Variants in OTOGL observed in about 807,000 individuals in gnomAD.
OTOGL encodes otogelin like.
OTOGL carries 285 observed loss-of-function variants against 318.5 expected under a neutral mutation model. The ratio of observed to expected loss-of-function variants is 0.89; its 90% CI spans 0.81 to 0.99. The LOEUF is 0.99. Among genes scored for constraint, OTOGL ranks in the 50% least tolerant of loss-of-function variants. OTOGL has a pLI of 0.00. For missense variants in OTOGL, 2,899 were observed against 2,845.6 expected (o/e 1.02, Z -0.43); for synonymous variants, 987 against 936.5 (o/e 1.05, Z -0.99).
chr12:80,344,427 A>T (rs544956237), intron 44 of OTOGL, among the ~76,000 whole-genome samples: 1 of 152,098 alleles, frequency 6.6e-6, no homozygotes, highest in Admixed American at 6.6e-5. Context: ...CTGTAATCCC[A>T]GTTATTCGGG....
intron 1 of OTOGL, among the ~76,000 whole-genome samples, chr12:80,147,625 TC>T (rs1362538087): frequency 1.3e-5 from 2 of 151,944 alleles, no homozygotes; most frequent in Non-Finnish European, 2.9e-5. Context: ...ACTTTCTGTC[TC>T]CTTGATCTGT....
At chr12:80,239,028 T>G in intron 10 of OTOGL, 50 bp downstream of exon 10, 1 of 1,516,474 alleles carries the variant, frequency 6.6e-7, no homozygotes, top group African/African-American at 1.4e-5. Context: ...TACACATATA[T>G]CTTATTTGTA....
At position 80,210,846 on chromosome 12, in the gene OTOGL, G is replaced by T; in HGVS notation, c.80-1G>T. ...CATTCTTATATATTTGTCTCTGGCA[G>T]AATATATTTGTGCATCGTCTATATT... is the stretch of plus-strand genomic sequence containing the variant. On this transcript the variant is annotated splice_acceptor_variant, in intron 2 of 58. Coordinates refer to ENST00000547103, the MANE Select transcript of OTOGL (RefSeq NM_001378609.3). LOFTEE classifies it high-confidence loss of function. 1.4e-6 allele frequency: 2 copies of T among 1,463,286 alleles called. No individual in the cohort carries two copies. The highest frequency in any genetic ancestry group is 1.3e-5 in the South Asian group (1 of 75,458). 90.6% of individuals were successfully genotyped at this position (1,463,286 alleles called of 1,614,324 possible).
chr12:80,359,134 T>C (rs1025307572), intron 52 of OTOGL, among the ~76,000 whole-genome samples: 2 of 152,188 alleles, frequency 1.3e-5, no homozygotes, highest in Admixed American at 6.5e-5. Flanking sequence ...AATCTGCTAA[T>C]CTTATATCTA....
At chr12:80,138,627 C>T (rs1009052375) in intron 1 of OTOGL, among the ~76,000 whole-genome samples, 3 of 151,912 alleles carry the variant, frequency 2.0e-5, no homozygotes, top group Admixed American at 1.3e-4. Context: ...TCAAATGATT[C>T]CAACACTGAA....
chr12:80,334,984 T>C (rs1888301781), intron 38 of OTOGL, among the ~76,000 whole-genome samples: 1 of 152,188 alleles, frequency 6.6e-6, no homozygotes, highest in Non-Finnish European at 1.5e-5. Flanking sequence ...TTAAGAGTCT[T>C]ACTATTTAGA....
chr12:80,236,131 A>G (rs1350358982), intron 9 of OTOGL, among the ~76,000 whole-genome samples: 1 of 152,188 alleles, frequency 6.6e-6, no homozygotes, highest in African/African-American at 2.4e-5. Flanking sequence ...TGACTTCACA[A>G]AGAAATTAGA....
chr12:80,205,653 A>G (rs1362354471), intron 1 of OTOGL, among the ~76,000 whole-genome samples: 1 of 152,242 alleles, frequency 6.6e-6, no homozygotes, highest in Non-Finnish European at 1.5e-5. Flanking sequence ...GGCTCAAATG[A>G]TAACATAAAT....
intron 1 of OTOGL, among the ~76,000 whole-genome samples, chr12:80,128,781 A>T (rs1871038212): frequency 6.6e-6 from 1 of 152,044 alleles, no homozygotes; most frequent in Non-Finnish European, 1.5e-5. Context: ...TTGCCGTTTG[A>T]TCTCAGACTG....
At chr12:80,141,430 C>G (rs1452343030) in intron 1 of OTOGL, among the ~76,000 whole-genome samples, 2 of 152,124 alleles carry the variant, frequency 1.3e-5, no homozygotes, top group Admixed American at 6.6e-5. Context: ...AAAGCAAGCA[C>G]TTTTATTTCT....
intron 33 of OTOGL, among the ~76,000 whole-genome samples, chr12:80,319,892 G>A (rs1001535304): frequency 2.0e-5 from 3 of 152,110 alleles, no homozygotes; most frequent in African/African-American, 4.8e-5. Flanking sequence ...TGGATAAATA[G>A]TCTCTTCTTG....
Position 80,339,270 on chromosome 12 carries a change from C to T in OTOGL, c.5050+6C>T, listed in dbSNP as rs376537606. On this transcript the variant is annotated splice_donor_region_variant and intron_variant, in intron 43 of 58. Coordinates refer to ENST00000547103, the MANE Select transcript of OTOGL (RefSeq NM_001378609.3). ...CTACACAGAAGGACTCTGTGGTGAG[C>T]GCTGCCCTTCAAATCTTGATTTCGT... 23 of 1,355,772 alleles carry T rather than the reference C, an allele frequency of 1.7e-5. No homozygotes were observed. The highest frequency in any genetic ancestry group is 6.9e-5 in the Admixed American group (3 of 43,498). The allele number at this position is 1,355,772 out of a possible 1,614,324, so 84.0% of individuals were successfully genotyped here.
In OTOGL at chr12:80,378,571, C is replaced by G. The variant is rs1891307476; in HGVS notation, c.*523C>G. The stretch of plus-strand genomic sequence containing the variant: ...GTTTATAGAGAAGTCATTATAAATT[C>G]CCCTCATTTTGCAGGTGTAACAGAT... On this transcript the variant is annotated 3_prime_UTR_variant, in exon 59 of 59. Transcript: ENST00000547103. The G allele has an allele frequency of 6.6e-6, 1 of 152,332 alleles. No homozygotes were observed. The highest frequency in any genetic ancestry group is 1.5e-5 in the Non-Finnish European group (1 of 68,294). The allele number at this position is 152,332 out of a possible 1,614,324, so 9.4% of individuals were successfully genotyped here.
At chr12:80,353,294 A>G in intron 45 of OTOGL, 31 bp from the exon 46 acceptor site, 1 of 1,315,346 alleles carries the variant, frequency 7.6e-7, no homozygotes, top group Admixed American at 3.3e-5. Context: ...TACTTTTATC[A>G]TTAGCAAATT....
At chr12:80,158,291 T>C (rs559483151) in intron 1 of OTOGL, among the ~76,000 whole-genome samples, 3 of 152,212 alleles carry the variant, frequency 2.0e-5, no homozygotes, top group Admixed American at 2.0e-4. Context: ...TTGCAGAAAA[T>C]TTAATATATT....
At chr12:80,218,343 A>G (rs1374299805) in intron 5 of OTOGL, among the ~76,000 whole-genome samples, 1 of 152,196 alleles carries the variant, frequency 6.6e-6, no homozygotes, top group Non-Finnish European at 1.5e-5. Flanking sequence ...ATATAGTTGG[A>G]GATTTGTGCA....
intron 1 of OTOGL, among the ~76,000 whole-genome samples, chr12:80,199,631 A>G (rs1248085798): frequency 6.6e-6 from 1 of 152,208 alleles, no homozygotes; most frequent in Non-Finnish European, 1.5e-5. Context: ...ACTCATAATA[A>G]ATATCTCAGA....
rs570300297 is a variant in OTOGL, at chr12:80,178,013, G to GT, written c.-19-31393dup. 1.9e-3 allele frequency among the ~76,000 whole-genome samples: 258 copies of GT among 138,988 alleles called. 1 individual carries two copies. The highest frequency in any genetic ancestry group is 6.5e-3 in the African/African-American group (247 of 37,938). The allele number at this position is 138,988 out of a possible 152,430, so 91.2% of individuals were successfully genotyped here. On this transcript the variant is annotated intron_variant, in intron 1 of 58. Transcript: ENST00000547103. Reference sequence around the variant, plus strand: ...GGAGATTGTTCTCTCAATTCTTTTAGTTTTTTTCTGTTTTTTCTATTCTAT... The same window carrying GT: ...GGAGATTGTTCTCTCAATTCTTTTAGTTTTTTTTCTGTTTTTTCTATTCTAT...
chr12:80,122,954 C>G (rs936943464), intron 1 of OTOGL, among the ~76,000 whole-genome samples: 20 of 151,440 alleles, frequency 1.3e-4, no homozygotes, highest in African/African-American at 4.6e-4. Context: ...AGTCCAGAGC[C>G]TGAACCAGGC....
Sources: gnomAD v4.1 joint callset for allele counts (sites outside exome capture counted in the v4.1 genomes callset) on GRCh38, gnomAD v4.1.1 for gene constraint, MANE v1.5 for transcripts, NCBI Gene and HGNC (gene_info 2026-07-23, HGNC 2026-07-21) for gene names.